Variants in MPV17L2 observed in about 807,000 individuals in gnomAD.
The protein encoded by MPV17L2 is MPV17 mitochondrial inner membrane protein like 2.
In MPV17L2, 25 loss-of-function variants were observed where a neutral mutation model predicts 24.2. The observed-to-expected ratio is 1.03, with a 90% CI of 0.75 to 1.44. The LOEUF (loss-of-function observed/expected upper bound fraction) is 1.44, where lower values mean the gene tolerates loss of function less well. MPV17L2 is among the 40% of genes most tolerant of loss of function. The pLI is 0.00. For synonymous variants in MPV17L2, 130 were observed against 121.4 expected, an observed-to-expected ratio of 1.07 and a Z score of -0.46; for missense variants, 271 against 276.2, an observed-to-expected ratio of 0.98 and a Z score of 0.13.
In MPV17L2 at chr19:18,196,444, G is replaced by A; in HGVS notation, c.*389G>A. ...CCTCAGGTCCTGGGACTAAGGCGGGGACATGACTGATCCCCTCAGAGCAGG... is the reference window on the plus strand; with the variant it reads ...CCTCAGGTCCTGGGACTAAGGCGGGAACATGACTGATCCCCTCAGAGCAGG... On this transcript the variant is annotated 3_prime_UTR_variant, in exon 5 of 5. Coordinates refer to ENST00000599612, the MANE Select transcript of MPV17L2 (RefSeq NM_032683.3). 2 of 1,300,364 alleles carry A rather than the reference G, an allele frequency of 1.5e-6. No homozygotes were observed. The highest frequency in any genetic ancestry group is 2.0e-6 in the Non-Finnish European group (2 of 995,964). 80.6% of individuals were successfully genotyped at this position (1,300,364 alleles called of 1,614,324 possible). A position where few individuals can be genotyped will look rare whatever the true frequency, so the allele number is the denominator to read the frequency against.
At position 18,195,988 on chromosome 19, in the gene MPV17L2, T is replaced by C. The variant is rs757770760; in HGVS notation, c.565-11T>C. 1.9e-6 allele frequency: 3 copies of C among 1,601,066 alleles called. No homozygotes were observed. The Admixed American group carries it at 5.1e-5, about 27-fold the overall frequency. On this transcript the variant is annotated splice_polypyrimidine_tract_variant and intron_variant, in intron 4 of 4. Transcript: ENST00000599612. Reference sequence around the variant, plus strand: ...AGGCTTCTGACCAGATGCCTTGTCTTGTGTGGACAGAGCCCAGTTCCTCTG... The same window carrying C: ...AGGCTTCTGACCAGATGCCTTGTCTCGTGTGGACAGAGCCCAGTTCCTCTG...
chr19:18,196,638 C>A lies in MPV17L2; in HGVS notation c.*583C>A. ...CCTGTAATCTCAGCCCTTCCCGAGG[C>A]TGAGGTGGAAGGATTGCTCGAGGCC... On this transcript the variant is annotated 3_prime_UTR_variant, in exon 5 of 5. Transcript: ENST00000599612. The A allele has an allele frequency of 2.7e-6, 1 of 373,580 alleles. No homozygotes were observed. Among genetic ancestry groups the A allele is most frequent in the Non-Finnish European group, 5.1e-6 (1 of 197,670 alleles). The allele number at this position is 373,580 out of a possible 1,614,324, so 23.1% of individuals were successfully genotyped here.
At position 18,196,782 on chromosome 19, in the gene MPV17L2, G is replaced by A. The variant is rs1226135573; in HGVS notation, c.*727G>A. 3.1e-6 allele frequency: 1 copy of A among 318,250 alleles called. No homozygotes were observed. The highest frequency in any genetic ancestry group is 6.1e-6 in the Non-Finnish European group (1 of 162,886). 19.7% of individuals were successfully genotyped at this position (318,250 alleles called of 1,614,324 possible). A position where few individuals can be genotyped will look rare whatever the true frequency, so the allele number is the denominator to read the frequency against. ...AAAACCAGGGTGGGCAGGACCCGGT[G>A]CTCACAGGGACACACATGGATGGTC... On this transcript the variant is annotated 3_prime_UTR_variant, in exon 5 of 5. Transcript: ENST00000599612.
intron 1 of MPV17L2, 185 bp from the exon 2 acceptor site, chr19:18,193,679 G>A: frequency 7.0e-7 from 1 of 1,432,134 alleles, no homozygotes; most frequent in Non-Finnish European, 9.1e-7. Context: ...AGGAGCCTCT[G>A]GAGCCGCGCC....
rs372835546 is a variant in MPV17L2, at chr19:18,193,356, G to A, written c.75G>A (p.Leu25=). ...AGCTTCTATTCCAGGGCCGCGCGCTGCTCGTCACTAACACGCTGGGCTGCG... is the reference window on the plus strand; with the variant it reads ...AGCTTCTATTCCAGGGCCGCGCGCTACTCGTCACTAACACGCTGGGCTGCG... The part of the protein sequence containing the change: ...AGQLLFQGRA[L]LVTNTLGCGA... Residue 25 remains leucine (L), a synonymous_variant, in exon 1 of 5, where the codon CTG becomes CTA. Transcript: ENST00000599612. The A allele has an allele frequency of 7.7e-6, 12 of 1,566,800 alleles. No homozygotes were observed. Among genetic ancestry groups the A allele is most frequent in the Admixed American group, 1.8e-5 (1 of 55,364 alleles).
At chr19:18,193,817 G>A in intron 1 of MPV17L2, 47 bp from the exon 2 acceptor site, 1 of 1,604,398 alleles carries the variant, frequency 6.2e-7, no homozygotes, top group Non-Finnish European at 8.5e-7. Flanking sequence ...GGAATGGACT[G>A]AGGAACTTGC....
Position 18,196,212 on chromosome 19 carries a change from C to T in MPV17L2, c.*157C>T, listed in dbSNP as rs754714731. 6.5e-7 allele frequency: 1 copy of T among 1,536,244 alleles called. No homozygotes were observed. The highest frequency in any genetic ancestry group is 1.2e-5 in the South Asian group (1 of 84,034). On this transcript the variant is annotated 3_prime_UTR_variant, in exon 5 of 5. Coordinates refer to ENST00000599612, the MANE Select transcript of MPV17L2 (RefSeq NM_032683.3). ...TGGGCTGAGCCGCCCTTTCCAAGCT[C>T]ACTTCTGGGACTGAGTTTCCTCAAC...
At chr19:18,194,925 G>A (rs1014210673) in intron 3 of MPV17L2, 33 bp from the exon 4 acceptor site, 1 of 1,602,618 alleles carries the variant, frequency 6.2e-7, no homozygotes, top group Non-Finnish European at 8.5e-7. Flanking sequence ...CCCAGCTCTG[G>A]CCCCGCCCCT....
chr19:18,194,457 T>C (rs1449631159), intron 2 of MPV17L2, among the ~76,000 whole-genome samples: 3 of 152,186 alleles, frequency 2.0e-5, no homozygotes, highest in Admixed American at 6.5e-5. Flanking sequence ...TCTCTCATTC[T>C]CCACCTCCCA....
intron 4 of MPV17L2, 98 bp from the exon 5 acceptor site, chr19:18,195,901 G>A (rs1967509051): frequency 1.7e-6 from 2 of 1,185,332 alleles, no homozygotes; most frequent in Admixed American, 4.5e-5. Flanking sequence ...TCCCTGCCAA[G>A]TCTGTTGAGC....
chr19:18,193,386 G>A lies in MPV17L2; in HGVS notation c.105G>A (p.Ala35=). The A allele has an allele frequency of 1.3e-6, 2 of 1,567,246 alleles. No homozygotes were observed. The highest frequency in any genetic ancestry group is 1.2e-5 in the South Asian group (1 of 86,214). ...LLVTNTLGCG[A]LMAAGDGVRQ... ...TCACTAACACGCTGGGCTGCGGCGC[G>A]CTCATGGCGGCCGGTGATGGCGTGC... The change falls in exon 1 of 5, where the codon GCG becomes GCA. Residue 35 remains alanine, a synonymous_variant. Coordinates refer to ENST00000599612, the MANE Select transcript of MPV17L2 (RefSeq NM_032683.3).
rs775614503 is a variant in MPV17L2 at position 18,194,012 on chromosome 19, G to T, written c.336G>T (p.Leu112Phe). Residue 112 changes from leucine (L) to phenylalanine (F), a missense_variant, in exon 2 of 5, where the codon TTG becomes TTT. Leu to Phe is a conservative substitution (Grantham distance 22). Coordinates refer to ENST00000599612, the MANE Select transcript of MPV17L2 (RefSeq NM_032683.3). ...TGGATCAGCTGGTAGCCTCTCCATT[G>T]CTGGGCGTCTGGTACTTCTTGGGTA... ...VLVDQLVASP[L>F]LGVWYFLGLG... 1 of 1,614,140 alleles carries T rather than the reference G, an allele frequency of 6.2e-7. No individual in the cohort carries two copies. Among genetic ancestry groups the T allele is most frequent in the Non-Finnish European group, 8.5e-7 (1 of 1,179,990 alleles).
chr19:18,195,071 C>G lies in MPV17L2; in HGVS notation c.549C>G (p.Ser183=), dbSNP rs759004552. Residue 183 remains serine, a synonymous_variant, in exon 4 of 5, where the codon TCC becomes TCG. Transcript: ENST00000599612. ...GLTLGWDTYL[S]YLKYRSPVPL... ...CGCTGGGCTGGGACACGTACCTGTC[C>G]TACTTGAAGTACCGGGTGAGTGTGG... 2.5e-6 allele frequency: 4 copies of G among 1,614,012 alleles called. No individual in the cohort carries two copies. The Admixed American group carries it at 6.7e-5, about 27-fold the overall frequency.
At chr19:18,195,816 G>A (rs1013934667) in intron 4 of MPV17L2, among the ~76,000 whole-genome samples, 183 bp from the exon 5 acceptor site, 1 of 152,218 alleles carries the variant, frequency 6.6e-6, no homozygotes, top group Non-Finnish European at 1.5e-5. Flanking sequence ...CAGCCTGGGC[G>A]ACAGTTCGAG....
At chr19:18,194,101 TAAG>T in intron 2 of MPV17L2, 67 bp downstream of exon 2, 1 of 1,543,822 alleles carries the variant, frequency 6.5e-7, no homozygotes, top group Non-Finnish European at 8.8e-7. Flanking sequence ...AGCTTTGTGT[TAAG>T]AAGGATGCAG....
chr19:18,193,303 C>G lies in MPV17L2; in HGVS notation c.22C>G (p.Arg8Gly), dbSNP rs913660744. ...GGCGATGGCGCGGGGTGGCTGGCGC[C>G]GGCTACGCCGCCTGTTATCCGCGGG... MARGGWR[R>G]LRRLLSAGQL... The change falls in exon 1 of 5, where the codon CGG (arginine) becomes GGG (glycine). Residue 8 changes from arginine (R) to glycine (G), a missense_variant. Arg to Gly is a moderately radical substitution (Grantham distance 125, BLOSUM62 -2). Coordinates refer to ENST00000599612, the MANE Select transcript of MPV17L2 (RefSeq NM_032683.3). 5 of 1,547,342 alleles carry G rather than the reference C, an allele frequency of 3.2e-6. No homozygotes were observed. The highest frequency in any genetic ancestry group is 2.8e-5 in the African/African-American group (2 of 70,856).
In MPV17L2 at chr19:18,196,005, G is replaced by C. The variant is rs752589996; in HGVS notation, c.571G>C (p.Val191Leu). Residue 191 changes from valine to leucine, a missense_variant, in exon 5 of 5, where the codon GTT becomes CTT. Transcript: ENST00000599612. The part of the protein sequence containing the change: ...YLSYLKYRSP[V>L]PLTPPGCVAL... ...CCTTGTCTTGTGTGGACAGAGCCCA[G>C]TTCCTCTGACACCCCCAGGCTGTGT... 4.5e-5 allele frequency: 73 copies of C among 1,609,290 alleles called. No homozygotes were observed. Among genetic ancestry groups the C allele is most frequent in the Non-Finnish European group, 5.8e-5 (68 of 1,176,844 alleles).
At chr19:18,195,132 G>GCT (rs1555818346) in intron 4 of MPV17L2, 46 bp downstream of exon 4, 1 of 1,588,594 alleles carries the variant, frequency 6.3e-7, no homozygotes, top group South Asian at 1.1e-5. Flanking sequence ...TCCCCAGGGG[G>GCT]CTACACGTGT....
rs1128099 is a variant in MPV17L2, at chr19:18,196,658, G to A, written c.*603G>A. The A allele has an allele frequency of 0.25, 87,793 of 353,162 alleles. 11,421 individuals are homozygous for A. Among genetic ancestry groups the A allele is most frequent in the Middle Eastern group, 0.33 (321 of 962 alleles). The allele number at this position is 353,162 out of a possible 1,614,324, so 21.9% of individuals were successfully genotyped here. Reference sequence around the variant, plus strand: ...CGAGGCTGAGGTGGAAGGATTGCTCGAGGCCAGGTGTTCGAGACCAGCCTG... The same window carrying A: ...CGAGGCTGAGGTGGAAGGATTGCTCAAGGCCAGGTGTTCGAGACCAGCCTG... On this transcript the variant is annotated 3_prime_UTR_variant, in exon 5 of 5. Coordinates refer to ENST00000599612, the MANE Select transcript of MPV17L2 (RefSeq NM_032683.3).
Sources: allele counts gnomAD v4.1 joint callset (sites outside exome capture counted in the v4.1 genomes callset), GRCh38; gene constraint gnomAD v4.1.1; transcripts MANE v1.5; gene names NCBI Gene and HGNC (gene_info 2026-07-23, HGNC 2026-07-21).